The following DNAJC1 variants were observed in gnomAD, a reference collection of about 807,000 sequenced individuals.
DNAJC1 encodes DnaJ heat shock protein family (Hsp40) member C1.
Under a neutral mutation model 76.6 loss-of-function variants are expected in DNAJC1, and 58 were observed. The ratio of observed to expected loss-of-function variants is 0.76; its 90% CI spans 0.61 to 0.94. The LOEUF (loss-of-function observed/expected upper bound fraction) is 0.94, where lower values mean the gene tolerates loss of function less well. Ranked by LOEUF, DNAJC1 falls within the 40% of genes least tolerant of loss-of-function variation. The pLI is 0.00. For missense variants in DNAJC1, 689 were observed against 677.3 expected (o/e 1.02, Z -0.19); for synonymous variants, 258 against 267.9 (o/e 0.96, Z 0.36).
At chr10:21,810,141 C>T (rs1834941330) in intron 8 of DNAJC1, among the ~76,000 whole-genome samples, 1 of 152,014 alleles carries the variant, frequency 6.6e-6, no homozygotes, top group Admixed American at 6.6e-5. Context: ...TTTGGGGGCA[C>T]ACAATTCCGT....
rs191395999 is a variant in DNAJC1, at chr10:21,801,991, T to C, written c.1098+3989A>G. On this transcript the variant is annotated intron_variant, in intron 9 of 11. Transcript: ENST00000376980. ...ACAACAGACACTGGGGCCTGGAGGG[T>C]GGGAGGAGGGAGAGGAGCAGAAAAA... Among the ~76,000 whole-genome samples the C allele has an allele frequency of 7.3e-5, 11 of 151,460 alleles. No homozygotes were observed. The East Asian group carries it at 1.7e-3, about 24-fold the overall frequency.
chr10:21,911,259 ATCT>A (rs1210775655), intron 6 of DNAJC1, among the ~76,000 whole-genome samples: 1 of 152,102 alleles, frequency 6.6e-6, no homozygotes, highest in Admixed American at 6.5e-5. Flanking sequence ...GATAGCCCAA[ATCT>A]TCTCTTTCGT....
chr10:21,992,071 G>A (rs532150404), intron 1 of DNAJC1, among the ~76,000 whole-genome samples: 24 of 152,338 alleles, frequency 1.6e-4, no homozygotes, highest in Non-Finnish European at 3.1e-4. Context: ...AGCACTCTGG[G>A]AGGCCAAGGT....
At chr10:21,776,785 T>C (rs1834458266) in intron 9 of DNAJC1, among the ~76,000 whole-genome samples, 1 of 152,182 alleles carries the variant, frequency 6.6e-6, no homozygotes, top group Admixed American at 6.6e-5. Context: ...GATTAACTGA[T>C]TACCTCTATA....
At chr10:21,988,592 A>G (rs553519339) in intron 1 of DNAJC1, among the ~76,000 whole-genome samples, 362 of 152,182 alleles carry the variant, frequency 2.4e-3, no homozygotes, top group Non-Finnish European at 4.4e-3. Flanking sequence ...CTATGAAGCT[A>G]ATATCCAATG....
intron 1 of DNAJC1, among the ~76,000 whole-genome samples, chr10:21,999,100 C>A (rs1010671570): frequency 2.6e-5 from 4 of 152,186 alleles, no homozygotes; most frequent in African/African-American, 9.7e-5. Context: ...ACTACCATCT[C>A]TGCCTTCTAG....
rs1835310468 is a variant in DNAJC1, at chr10:21,829,029, CCTTTA to C, written c.979-22935_979-22931del. 2.0e-5 allele frequency among the ~76,000 whole-genome samples: 3 copies of C among 151,846 alleles called. No individual in the cohort carries two copies. In the South Asian group the frequency reaches 6.3e-4, roughly 32 times the overall value. On this transcript the variant is annotated intron_variant, in intron 8 of 11. Coordinates refer to ENST00000376980, the MANE Select transcript of DNAJC1 (RefSeq NM_022365.4). ...GGTCAGTCCTCTTATTTTTTCCATC[CCTTTA>C]CTTTCTTTTCTTTTTGAGATGGAGC... is the stretch of plus-strand genomic sequence containing the variant.
At chr10:21,857,640 C>T (rs957589726) in intron 8 of DNAJC1, among the ~76,000 whole-genome samples, 9 of 152,068 alleles carry the variant, frequency 5.9e-5, no homozygotes, top group African/African-American at 1.9e-4. Flanking sequence ...TATATGTATC[C>T]ATACCATCAG....
chr10:21,799,255 T>C (rs535784724), intron 9 of DNAJC1, among the ~76,000 whole-genome samples: 3 of 152,162 alleles, frequency 2.0e-5, no homozygotes, highest in African/African-American at 7.2e-5. Flanking sequence ...GTGGTTTCCA[T>C]GTTCTTTGTG....
chr10:21,924,320 C>T (rs1360064322), intron 3 of DNAJC1, among the ~76,000 whole-genome samples: 4 of 151,958 alleles, frequency 2.6e-5, no homozygotes, highest in African/African-American at 9.7e-5. Flanking sequence ...AATAACTATA[C>T]GTTTAACAGC....
At chr10:21,841,481 A>T (rs1835573544) in intron 8 of DNAJC1, among the ~76,000 whole-genome samples, 1 of 152,240 alleles carries the variant, frequency 6.6e-6, no homozygotes, top group Non-Finnish European at 1.5e-5. Context: ...ATATTTATGC[A>T]GCCAAAAAAC....
intron 8 of DNAJC1, among the ~76,000 whole-genome samples, chr10:21,846,277 C>A (rs1457514178): frequency 6.6e-6 from 1 of 152,134 alleles, no homozygotes; most frequent in Non-Finnish European, 1.5e-5. Flanking sequence ...TTACTATCAT[C>A]CTCTTTTAAT....
chr10:21,890,875 T>A (rs1836449577), intron 7 of DNAJC1, among the ~76,000 whole-genome samples: 1 of 152,116 alleles, frequency 6.6e-6, no homozygotes, highest in South Asian at 2.1e-4. Context: ...AGGTAACAGA[T>A]GCCAACAAGA....
intron 1 of DNAJC1, among the ~76,000 whole-genome samples, chr10:21,952,196 A>G (rs142686597): frequency 6.6e-6 from 1 of 152,362 alleles, no homozygotes; most frequent in East Asian, 1.9e-4. Context: ...CATGAAACTG[A>G]AAATAAGTAA....
chr10:21,879,379 T>C (rs1442889822), intron 8 of DNAJC1, among the ~76,000 whole-genome samples: 1 of 152,152 alleles, frequency 6.6e-6, no homozygotes, highest in Admixed American at 6.5e-5. Flanking sequence ...ATCCCAGCAC[T>C]TTAGGAGGCT....
intron 1 of DNAJC1, among the ~76,000 whole-genome samples, chr10:21,970,413 C>CA (rs1289084376): frequency 6.6e-6 from 1 of 151,448 alleles, no homozygotes; most frequent in Non-Finnish European, 1.5e-5. Flanking sequence ...TTAAAAAAAC[C>CA]AAAAAATTTA....
Position 21,887,653 on chromosome 10 carries a change from A to G in DNAJC1, c.821-5214T>C, listed in dbSNP as rs141567956. Among the ~76,000 whole-genome samples the G allele has an allele frequency of 2.2e-4, 34 of 152,324 alleles. No homozygotes were observed. In the East Asian group the frequency reaches 6.4e-3, roughly 28 times the overall value. On this transcript the variant is annotated intron_variant, in intron 7 of 11. Transcript: ENST00000376980. ...CAATAAGGAAAGGACTCCCTATTCAATAAGTGGTGCTGGAATAACTGGCTA... is the reference window on the plus strand; with the variant it reads ...CAATAAGGAAAGGACTCCCTATTCAGTAAGTGGTGCTGGAATAACTGGCTA...
At chr10:21,926,442 G>T (rs1590052234) in intron 3 of DNAJC1, among the ~76,000 whole-genome samples, 1 of 152,132 alleles carries the variant, frequency 6.6e-6, no homozygotes, top group Non-Finnish European at 1.5e-5. Flanking sequence ...TTCCTGGAAG[G>T]TTACACATTT....
chr10:21,898,716 A>G (rs181017934), intron 7 of DNAJC1, among the ~76,000 whole-genome samples: 2 of 152,030 alleles, frequency 1.3e-5, no homozygotes, highest in Admixed American at 1.3e-4. Context: ...CCACAGCCAG[A>G]TAATTTTTGT....
Sources: allele counts gnomAD v4.1 joint callset (sites outside exome capture counted in the v4.1 genomes callset), GRCh38; gene constraint gnomAD v4.1.1; transcripts MANE v1.5; gene names NCBI Gene and HGNC (gene_info 2026-07-23, HGNC 2026-07-21).